Variants in RREB1 observed in about 807,000 individuals in gnomAD.
RREB1 encodes the protein ras-responsive element-binding protein 1.
In RREB1, 27 loss-of-function variants were observed where a neutral mutation model predicts 117.8. The ratio of observed to expected loss-of-function variants is 0.23; its 90% CI spans 0.17 to 0.32. The LOEUF (loss-of-function observed/expected upper bound fraction) is 0.32, where lower values mean the gene tolerates loss of function less well. Ranked by LOEUF, RREB1 falls within the 10% of genes least tolerant of loss-of-function variation. The pLI is 1.00. For synonymous variants in RREB1, 1,298 were observed against 1,026.7 expected, an observed-to-expected ratio of 1.26 and a Z score of -5.05; for missense variants, 2,577 against 2,378.2, an observed-to-expected ratio of 1.08 and a Z score of -1.74.
chr6:7,237,880 A>C (rs989741709), intron 10 of RREB1, among the ~76,000 whole-genome samples: 1 of 152,186 alleles, frequency 6.6e-6, no homozygotes, highest in African/African-American at 2.4e-5. Context: ...GTTTGATGCA[A>C]TACTTTCACA....
At chr6:7,158,051 T>G (rs1378462153) in intron 1 of RREB1, among the ~76,000 whole-genome samples, 2 of 152,178 alleles carry the variant, frequency 1.3e-5, no homozygotes, top group South Asian at 2.1e-4. Context: ...TCATCCCACG[T>G]GCATTCTTCA....
At chr6:7,191,431 T>G (rs1561771923) in intron 6 of RREB1, among the ~76,000 whole-genome samples, 5 of 152,242 alleles carry the variant, frequency 3.3e-5, no homozygotes, top group Admixed American at 6.5e-5. Flanking sequence ...CTGTTGACAT[T>G]GTTGTACGAC....
chr6:7,130,929 CTTTTTTTTT>C (rs61305060), intron 1 of RREB1, among the ~76,000 whole-genome samples: 2 of 45,758 alleles, frequency 4.4e-5, no homozygotes, highest in East Asian at 1.3e-3. Context: ...ATAGTCATGT[CTTTTTTTTT>C]TTTTTTTTTT....
In RREB1 at chr6:7,201,493, G is replaced by GT. The variant is rs1431758563; in HGVS notation, c.426-9310dup. 2.3e-3 allele frequency among the ~76,000 whole-genome samples: 330 copies of GT among 143,136 alleles called. 2 individuals are homozygous for GT. The highest frequency in any genetic ancestry group is 8.0e-3 in the African/African-American group (300 of 37,384). 93.9% of individuals were successfully genotyped at this position (143,136 alleles called of 152,430 possible). On this transcript the variant is annotated intron_variant, in intron 6 of 12. Transcript: ENST00000379938. ...AAGGAAGGTGATTAGTGGCAACATT[G>GT]TCCCCCCCCCCCAACCCCCATCCCA...
Position 7,229,506 on chromosome 6 carries a change from C to T in RREB1, c.1407C>T (p.Asp469=). 3 of 1,614,182 alleles carry T rather than the reference C, an allele frequency of 1.9e-6. No individual in the cohort carries two copies. The highest frequency in any genetic ancestry group is 2.5e-6 in the Non-Finnish European group (3 of 1,180,020). The change falls in exon 10 of 13, where the codon GAC becomes GAT. Residue 469 remains aspartate (D), a synonymous_variant. Transcript: ENST00000379938. The surrounding 1 kb of genome is among the most constrained non-coding windows in gnomAD (Gnocchi z 4.5). ...ISGESAIELA[D]IQQILKMAAS... ...GCGAGTCGGCCATCGAGCTGGCAGA[C>T]ATCCAGCAAATTCTGAAGATGGCAG...
At chr6:7,228,047 A>G (rs1302504119) in intron 9 of RREB1, among the ~76,000 whole-genome samples, 1 of 152,232 alleles carries the variant, frequency 6.6e-6, no homozygotes, top group Non-Finnish European at 1.5e-5. Flanking sequence ...AGCGAGACTC[A>G]GTCTCAAAAA....
chr6:7,163,550 C>A (rs1223225774), intron 1 of RREB1, among the ~76,000 whole-genome samples: 2 of 152,164 alleles, frequency 1.3e-5, no homozygotes, highest in African/African-American at 4.8e-5. Flanking sequence ...CGCCACCACG[C>A]CCGGCTAATT....
chr6:7,161,740 T>A (rs145178927), intron 1 of RREB1, among the ~76,000 whole-genome samples: 3 of 152,342 alleles, frequency 2.0e-5, no homozygotes, highest in Non-Finnish European at 2.9e-5. Context: ...GGGAGCTCTC[T>A]TCCTAACTCC....
intron 8 of RREB1, chr6:7,213,770 G>A (rs1766745278): frequency 6.6e-6 from 1 of 152,428 alleles, no homozygotes; most frequent in African/African-American, 2.4e-5. Context: ...GCAGCCTTCA[G>A]AGCCAGTGCT....
chr6:7,146,379 G>T (rs1436574510), intron 1 of RREB1, among the ~76,000 whole-genome samples: 1 of 152,124 alleles, frequency 6.6e-6, no homozygotes, highest in Non-Finnish European at 1.5e-5. Context: ...AGCAGGAGAT[G>T]GGAGGGGAGG....
intron 1 of RREB1, among the ~76,000 whole-genome samples, chr6:7,145,088 C>T (rs1364600511): frequency 6.6e-6 from 1 of 152,210 alleles, no homozygotes; most frequent in Non-Finnish European, 1.5e-5. Flanking sequence ...GACACCCATT[C>T]TTTCCACTAC....
intron 1 of RREB1, among the ~76,000 whole-genome samples, chr6:7,142,009 C>A (rs1353949063): frequency 6.6e-6 from 1 of 152,142 alleles, no homozygotes; most frequent in Non-Finnish European, 1.5e-5. Context: ...GTCAGGAGTT[C>A]GAGACCAGCC....
At chr6:7,109,986 C>T (rs890473667) in intron 1 of RREB1, among the ~76,000 whole-genome samples, 9 of 152,156 alleles carry the variant, frequency 5.9e-5, no homozygotes, top group African/African-American at 1.9e-4. Flanking sequence ...TCTTTAAAAG[C>T]CAGTGGAAAT....
intron 1 of RREB1, among the ~76,000 whole-genome samples, chr6:7,156,145 C>T (rs536121267): frequency 3.3e-5 from 5 of 152,300 alleles, no homozygotes; most frequent in African/African-American, 1.2e-4. Context: ...CTAGACTTTT[C>T]GTTTGAGAAG....
chr6:7,194,882 A>G (rs570601532), intron 6 of RREB1, among the ~76,000 whole-genome samples: 2 of 152,368 alleles, frequency 1.3e-5, no homozygotes, highest in Non-Finnish European at 2.9e-5. Flanking sequence ...TTCCACTACT[A>G]GCTGTGTGAT....
chr6:7,181,704 T>C (rs1325472407), intron 3 of RREB1, 166 bp from the exon 4 acceptor site: 5 of 655,536 alleles, frequency 7.6e-6, no homozygotes, highest in Non-Finnish European at 1.3e-5. Context: ...TTGGTTTAAA[T>C]GAAAGCTTCC....
Position 7,229,137 on chromosome 6 carries a change from A to T in RREB1, c.1038A>T (p.Glu346Asp). 6.2e-7 allele frequency: 1 copy of T among 1,609,374 alleles called. No individual in the cohort carries two copies. Among genetic ancestry groups the T allele is most frequent in the Non-Finnish European group, 8.5e-7 (1 of 1,176,328 alleles). Residue 346 changes from glutamate (E) to aspartate (D), a missense_variant, in exon 10 of 13, where the codon GAA (glutamate) becomes GAT (aspartate). Transcript: ENST00000379938. The surrounding 1 kb of genome is among the most constrained non-coding windows in gnomAD (Gnocchi z 4.5). ...QTHVAADQGQ[E>D]KPQATPLPGD... ...ATGTGGCGGCAGACCAGGGTCAAGA[A>T]AAGCCGCAGGCCACGCCCCTGCCTG...
chr6:7,225,587 C>A (rs1207237305), intron 8 of RREB1, among the ~76,000 whole-genome samples: 1 of 152,126 alleles, frequency 6.6e-6, no homozygotes, highest in East Asian at 1.9e-4. Context: ...TGCTATGCAT[C>A]TGTGTGGCCC....
At chr6:7,119,265 C>A (rs551158009) in intron 1 of RREB1, among the ~76,000 whole-genome samples, 1 of 151,850 alleles carries the variant, frequency 6.6e-6, no homozygotes, top group Admixed American at 6.6e-5. Flanking sequence ...GCAGGAGAAT[C>A]GCTTGAACCC....
Sources: gnomAD v4.1 joint callset for allele counts (sites outside exome capture counted in the v4.1 genomes callset) on GRCh38, gnomAD v4.1.1 for gene constraint, Gnocchi (gnomAD v3.1) non-coding constraint, MANE v1.5 for transcripts, NCBI Gene and HGNC (gene_info 2026-07-23, HGNC 2026-07-21) for gene names.